Variants in USP50 observed in about 807,000 individuals in gnomAD.
USP50 encodes the protein ubiquitin specific peptidase 50, also known as ubiquitin carboxyl-terminal hydrolase 50.
In USP50, 37 loss-of-function variants were observed where a neutral mutation model predicts 39.2. The ratio of observed to expected loss-of-function variants is 0.94; its 90% CI spans 0.73 to 1.24. The LOEUF (loss-of-function observed/expected upper bound fraction) is 1.24, where lower values mean the gene tolerates loss of function less well. Among genes scored for constraint, USP50 ranks in the 50% most tolerant of loss-of-function variants. The pLI is 0.00. For missense variants in USP50, 374 were observed against 398.2 expected (o/e 0.94, Z 0.52); for synonymous variants, 139 against 144.5 (o/e 0.96, Z 0.27).
chr15:50,530,780 C>T (rs1439428591), intron 5 of USP50, among the ~76,000 whole-genome samples: 1 of 151,984 alleles, frequency 6.6e-6, no homozygotes, highest in Non-Finnish European at 1.5e-5. Context: ...AAGGGATAAC[C>T]AAGGCTCAAC....
At chr15:50,541,441 A>G (rs2053029507) in intron 3 of USP50, among the ~76,000 whole-genome samples, 177 bp from the exon 4 acceptor site, 1 of 152,012 alleles carries the variant, frequency 6.6e-6, no homozygotes, top group Non-Finnish European at 1.5e-5. Flanking sequence ...TGAGCCTAGG[A>G]GTTTGAGACT....
downstream of USP50, among the ~76,000 whole-genome samples, chr15:50,498,031 A>G (rs1019959498): frequency 6.6e-6 from 1 of 152,210 alleles, no homozygotes; most frequent in Non-Finnish European, 1.5e-5. Context: ...AAGTATAAAC[A>G]TTCTATAAGT....
At chr15:50,496,480 TAAAAAAA>T (rs35899607), downstream of USP50, among the ~76,000 whole-genome samples, 3 of 116,502 alleles carry the variant, frequency 2.6e-5, no homozygotes, top group South Asian at 2.9e-4. Flanking sequence ...GACTCCGTCT[TAAAAAAA>T]AAAAAAAAAA....
intron 2 of USP50, among the ~76,000 whole-genome samples, chr15:50,544,285 C>T (rs2053053506): frequency 6.6e-6 from 1 of 151,910 alleles, no homozygotes; most frequent in Non-Finnish European, 1.5e-5. Flanking sequence ...TCACTTGAAC[C>T]CGAGGAACAG....
At chr15:50,501,652 G>GT (rs1006662726) in intron 6 of USP50, 1 of 152,004 alleles carries the variant, frequency 6.6e-6, no homozygotes, top group African/African-American at 2.4e-5. Flanking sequence ...AAAAAATAAT[G>GT]TATCTCATTT....
At chr15:50,510,616 G>A (rs1313335358) in intron 6 of USP50, 1 of 152,134 alleles carries the variant, frequency 6.6e-6, no homozygotes, top group Non-Finnish European at 1.5e-5. Context: ...TCTATGAAGT[G>A]TCACGATACA....
downstream of USP50, chr15:50,496,061 T>C: frequency 6.2e-7 from 1 of 1,612,568 alleles, no homozygotes; most frequent in South Asian, 1.1e-5. Context: ...ACCACTAGCA[T>C]CCACAAGTAA....
chr15:50,505,628 A>G (rs2052648144), intron 6 of USP50: 1 of 152,244 alleles, frequency 6.6e-6, no homozygotes, highest in Non-Finnish European at 1.5e-5. Flanking sequence ...TGAACAGTAG[A>G]AAACCATGAT....
At position 50,529,893 on chromosome 15, in the gene USP50, T is replaced by A; in HGVS notation, c.840A>T (p.Arg280Ser). ...DIQGTTKRKL[R>S]TDIHYPLTNL... ...TAGTGAGTGGGTAATGAATATCCGT[T>A]CTCAGCTTCCTTTTTGTTGTACCCT... Residue 280 changes from arginine to serine, a missense_variant, in exon 6 of 7, where the codon AGA becomes AGT. Arg to Ser is a moderately radical substitution (Grantham distance 110). Transcript: ENST00000532404. The A allele has an allele frequency of 6.2e-7, 1 of 1,614,014 alleles. No homozygotes were observed. Among genetic ancestry groups the A allele is most frequent in the Non-Finnish European group, 8.5e-7 (1 of 1,179,880 alleles).
chr15:50,520,698 A>C (rs528102601), intron 6 of USP50, among the ~76,000 whole-genome samples: 2 of 152,286 alleles, frequency 1.3e-5, no homozygotes, highest in Admixed American at 6.5e-5. Context: ...ATGGAACTGA[A>C]GGTCGTCATG....
intron 4 of USP50, among the ~76,000 whole-genome samples, chr15:50,540,068 G>A (rs74014322): frequency 0.016 from 2,490 of 152,262 alleles, 86 homozygotes; most frequent in African/African-American, 0.057. Flanking sequence ...CTCCAATTCT[G>A]GTAGGTAAAA....
At chr15:50,523,323 C>T (rs2141364977) in intron 6 of USP50, among the ~76,000 whole-genome samples, 1 of 151,564 alleles carries the variant, frequency 6.6e-6, no homozygotes, top group African/African-American at 2.4e-5. Flanking sequence ...GTGTGCACCA[C>T]TATACTTGGC....
At chr15:50,497,095 C>G, downstream of USP50, 1 of 1,597,432 alleles carries the variant, frequency 6.3e-7, no homozygotes, top group Non-Finnish European at 8.5e-7. Context: ...CCAGGATTGC[C>G]TTAGATTATT....
At chr15:50,540,077 A>G (rs2053016530) in intron 4 of USP50, among the ~76,000 whole-genome samples, 2 of 152,200 alleles carry the variant, frequency 1.3e-5, no homozygotes, top group Non-Finnish European at 2.9e-5. Context: ...TGGTAGGTAA[A>G]ACTTTTAGCA....
At chr15:50,497,321 A>G, downstream of USP50, 1 of 1,459,868 alleles carries the variant, frequency 6.8e-7, no homozygotes, top group Non-Finnish European at 9.1e-7. Context: ...ACTGCCTGCC[A>G]TGGGCACATA....
In USP50 at chr15:50,543,760, A is replaced by G. The variant is rs2141381961; in HGVS notation, c.282T>C (p.Tyr94=). Reference sequence around the variant, plus strand: ...CTCCCAGCCACATGTCTGTCATCAGATAGGCAAAAGCAGTGGCAACTTCAC... The same window carrying G: ...CTCCCAGCCACATGTCTGTCATCAGGTAGGCAAAAGCAGTGGCAACTTCAC... The part of the protein sequence containing the change: ...DCSEVATAFA[Y]LMTDMWLGDS... Residue 94 remains tyrosine (Y), a synonymous_variant, in exon 3 of 7, where the codon TAT becomes TAC. Transcript: ENST00000532404. 1 of 1,610,000 alleles carries G rather than the reference A, an allele frequency of 6.2e-7. No individual in the cohort carries two copies. The highest frequency in any genetic ancestry group is 1.1e-5 in the South Asian group (1 of 90,286).
At chr15:50,542,929 T>G (rs2135452) in intron 3 of USP50, among the ~76,000 whole-genome samples, 3 of 152,060 alleles carry the variant, frequency 2.0e-5, no homozygotes, top group Non-Finnish European at 2.9e-5. Context: ...AGCAGAAGGA[T>G]GTTGCATAAA....
intron 3 of USP50, among the ~76,000 whole-genome samples, chr15:50,542,481 A>ATTTTTTTTTTTTTTTTTTTTTCTTTTTC (rs2053037797): frequency 1.0e-5 from 1 of 97,396 alleles, no homozygotes; most frequent in Non-Finnish European, 1.9e-5. Context: ...TTTCCTTTTC[A>ATTTTTTTTTTTTTTTTTTTTTCTTTTTC]TTTTTTTTTT....
At chr15:50,493,907 C>T, downstream of USP50, 2 of 883,658 alleles carry the variant, frequency 2.3e-6, no homozygotes, top group Non-Finnish European at 3.7e-6. Flanking sequence ...GTAAGCAAGT[C>T]AGATTCAGAT....
Sources: allele counts gnomAD v4.1 joint callset (sites outside exome capture counted in the v4.1 genomes callset), GRCh38; gene constraint gnomAD v4.1.1; transcripts MANE v1.5; gene names NCBI Gene and HGNC (gene_info 2026-07-23, HGNC 2026-07-21).